Variants in ZNF219 observed in about 807,000 individuals in gnomAD.
The protein encoded by ZNF219 is zinc finger protein 219.
In ZNF219, 17 loss-of-function variants were observed where a neutral mutation model predicts 54.4. That is an observed-to-expected ratio of 0.31 (90% CI 0.21 to 0.47). ZNF219 has a LOEUF of 0.47. Among genes scored for constraint, ZNF219 ranks in the 20% least tolerant of loss-of-function variants. The probability of loss-of-function intolerance (pLI) is 1.00; values close to 1 mark genes in which losing one functional copy is unlikely to be tolerated. For synonymous variants in ZNF219, 518 were observed against 476.4 expected, an observed-to-expected ratio of 1.09 and a Z score of -1.14; for missense variants, 1,014 against 1,062.3, an observed-to-expected ratio of 0.95 and a Z score of 0.63.
upstream of ZNF219, chr14:21,101,785 G>T: frequency 8.8e-7 from 1 of 1,134,496 alleles, no homozygotes; most frequent in South Asian, 1.5e-5. Flanking sequence ...CCCATTTCCT[G>T]ATCTCTAAAG....
upstream of ZNF219, among the ~76,000 whole-genome samples, chr14:21,100,439 G>C (rs757207966): frequency 1.1e-4 from 17 of 152,048 alleles, no homozygotes; most frequent in Non-Finnish European, 1.9e-4. Flanking sequence ...TAAGATTCCA[G>C]CTCAGGTCTG....
intron 1 of ZNF219, among the ~76,000 whole-genome samples, chr14:21,095,075 T>C (rs1207794687): frequency 6.6e-6 from 1 of 152,212 alleles, no homozygotes; most frequent in Non-Finnish European, 1.5e-5. Flanking sequence ...TCAACCTGCC[T>C]GTCAGCAGAG....
chr14:21,104,128 A>T (rs367856322), intron 1 of ZNF219: 9 of 152,282 alleles, frequency 5.9e-5, no homozygotes, highest in African/African-American at 1.9e-4. Flanking sequence ...CTCGCTGGGC[A>T]GGCGGGTAGA....
rs146545009 is a variant in ZNF219, at chr14:21,095,770, GA to G, written c.-83-2097del. 8.2e-3 allele frequency among the ~76,000 whole-genome samples: 1,245 copies of G among 151,794 alleles called. 12 individuals are homozygous for G. Among genetic ancestry groups the G allele is most frequent in the African/African-American group, 0.028 (1,166 of 41,378 alleles). ...TTTTCGTTCCTATCTGAAAACCATA[GA>G]AAAAAACCCAGTGGTACCAGAGGGA... On this transcript the variant is annotated intron_variant, in intron 1 of 4. Transcript: ENST00000360947.
In ZNF219 at chr14:21,090,243, A is replaced by G. The variant is rs1307793624; in HGVS notation, c.*293T>C. The G allele has an allele frequency of 1.5e-6, 1 of 654,160 alleles. No individual in the cohort carries two copies. Among genetic ancestry groups the G allele is most frequent in the East Asian group, 3.1e-5 (1 of 32,712 alleles). 40.5% of individuals were successfully genotyped at this position (654,160 alleles called of 1,614,324 possible). On this transcript the variant is annotated 3_prime_UTR_variant, in exon 5 of 5. Transcript: ENST00000360947. The surrounding 1 kb of genome is among the most constrained non-coding windows in gnomAD (Gnocchi z 4.4). The stretch of plus-strand genomic sequence containing the variant: ...AAATAAACTCTCACGCCTATGGACC[A>G]GCAAAGACTGGCAGAGTGGCTCCTC...
In ZNF219 at chr14:21,094,726, T is replaced by TGGGGA. The variant is rs1555341858; in HGVS notation, c.-83-1053_-83-1052insTCCCC. Among the ~76,000 whole-genome samples, 2 of 5,892 alleles carry TGGGGA rather than the reference T, an allele frequency of 3.4e-4. 1 individual carries two copies. Among genetic ancestry groups the TGGGGA allele is most frequent in the African/African-American group, 1.5e-3 (2 of 1,330 alleles). 3.9% of individuals were successfully genotyped at this position (5,892 alleles called of 152,430 possible). On this transcript the variant is annotated intron_variant, in intron 1 of 4. Coordinates refer to ENST00000360947, the MANE Select transcript of ZNF219 (RefSeq NM_016423.3). ...TCATTGAGAGGAAGAGGATAGGGGT[T>TGGGGA]GGGGGGGGGGGCGGGTGCTGATCCT...
Position 21,090,451 on chromosome 14 carries a change from CT to C in ZNF219, c.*84del. 1 of 1,489,136 alleles carries C rather than the reference CT, an allele frequency of 6.7e-7. No homozygotes were observed. Among genetic ancestry groups the C allele is most frequent in the Non-Finnish European group, 9.0e-7 (1 of 1,110,620 alleles). 92.2% of individuals were successfully genotyped at this position (1,489,136 alleles called of 1,614,324 possible). On this transcript the variant is annotated 3_prime_UTR_variant, in exon 5 of 5. Coordinates refer to ENST00000360947, the MANE Select transcript of ZNF219 (RefSeq NM_016423.3). The surrounding 1 kb of genome is among the most constrained non-coding windows in gnomAD (Gnocchi z 4.4). ...TGGGATATGGGTCCCACGCTGCCCC[CT>C]GCTGGCTTCTCTACCCAACTACCTC...
upstream of ZNF219, chr14:21,101,808 C>T (rs896764539): frequency 1.5e-5 from 21 of 1,397,896 alleles, no homozygotes; most frequent in African/African-American, 1.0e-4. Context: ...GTAGGAGTTA[C>T]GAGAAGGGAG....
In ZNF219 at chr14:21,090,791, C is replaced by T; in HGVS notation, c.1914G>A (p.Glu638=). 16 of 1,584,102 alleles carry T rather than the reference C, an allele frequency of 1.0e-5. No homozygotes were observed. Among genetic ancestry groups the T allele is most frequent in the Non-Finnish European group, 1.4e-5 (16 of 1,165,900 alleles). ...DLSLRAGPGG[E]AGPGGALHRC... ...GGTGGAGGGCACCCCCAGGCCCGGC[C>T]TCGCCTCCCGGCCCTGCCCGCAAGG... Residue 638 remains glutamate (E), a synonymous_variant, in exon 5 of 5, where the codon GAG becomes GAA. Transcript: ENST00000360947. This position sits in a 1 kb window ranked among gnomAD's most constrained non-coding sequence, Gnocchi z 4.4.
At chr14:21,097,667 G>C (rs2139326559) in intron 1 of ZNF219, among the ~76,000 whole-genome samples, 1 of 152,262 alleles carries the variant, frequency 6.6e-6, no homozygotes, top group East Asian at 1.9e-4. Context: ...GAAGGATGAT[G>C]GGGGGCAGGG....
chr14:21,092,928 C>T lies in ZNF219; in HGVS notation c.369G>A (p.Leu123=), dbSNP rs1889047420. ...CCTCGCGTAGTAGCGCGCGCTCTTC[C>T]AACTCCAGCAACAGGCGTGCAGCAG... ...RSPAARLLLE[L]EERALLREAR... is the part of the protein sequence containing the mutation. The change falls in exon 3 of 5, where the codon TTG becomes TTA. Residue 123 remains leucine, a synonymous_variant. Transcript: ENST00000360947. 6.4e-7 allele frequency: 1 copy of T among 1,567,772 alleles called. No individual in the cohort carries two copies. Among genetic ancestry groups the T allele is most frequent in the African/African-American group, 1.4e-5 (1 of 73,654 alleles).
At position 21,098,395 on chromosome 14, in the gene ZNF219, T is replaced by G; in HGVS notation, c.-167A>C. 6.3e-6 allele frequency: 3 copies of G among 479,056 alleles called. No homozygotes were observed. The highest frequency in any genetic ancestry group is 8.0e-6 in the Non-Finnish European group (3 of 375,980). 29.7% of individuals were successfully genotyped at this position (479,056 alleles called of 1,614,324 possible). On this transcript the variant is annotated 5_prime_UTR_variant, in exon 1 of 5. Coordinates refer to ENST00000360947, the MANE Select transcript of ZNF219 (RefSeq NM_016423.3). ...GGGCCGGCGGCGCGGGCGTCAGCGT[T>G]ACGTGGGGCCGGGGGAGATGCGCCG...
upstream of ZNF219, chr14:21,098,706 C>A: frequency 9.1e-7 from 1 of 1,099,388 alleles, no homozygotes; most frequent in Admixed American, 3.6e-5. Context: ...GGGTGGGGCG[C>A]ACAGAGGATT....
intron 1 of ZNF219, among the ~76,000 whole-genome samples, chr14:21,096,023 G>C (rs919384954): frequency 7.0e-6 from 1 of 142,394 alleles, no homozygotes; most frequent in African/African-American, 2.6e-5. Context: ...AGAGGAAGCA[G>C]ATGGTGGAGG....
upstream of ZNF219, chr14:21,103,422 T>C (rs115088850): frequency 2.5e-6 from 3 of 1,199,074 alleles, no homozygotes; most frequent in African/African-American, 3.1e-5. Flanking sequence ...TGGACGAGAA[T>C]ATATCCTCAC....
At chr14:21,101,259 T>G (rs1889608412), upstream of ZNF219, 13 of 1,263,346 alleles carry the variant, frequency 1.0e-5, no homozygotes, top group Non-Finnish European at 1.5e-5. Context: ...GATACGTTGT[T>G]GCATGTCCTG....
In ZNF219 at chr14:21,098,140, G is replaced by A. The variant is rs1464617219; in HGVS notation, c.-84+172C>T. Among the ~76,000 whole-genome samples, 4 of 147,544 alleles carry A rather than the reference G, an allele frequency of 2.7e-5. No homozygotes were observed. In the East Asian group the frequency reaches 8.3e-4, roughly 30 times the overall value. ...CCCACCCCGCCCCCCCAGGAGCTCTGGGCGAAGTTTGCTTGGGGCCGAGCC... is the reference window on the plus strand; with the variant it reads ...CCCACCCCGCCCCCCCAGGAGCTCTAGGCGAAGTTTGCTTGGGGCCGAGCC... On this transcript the variant is annotated intron_variant, in intron 1 of 4. Transcript: ENST00000360947.
At chr14:21,102,367 C>A, upstream of ZNF219, 1 of 1,548,910 alleles carries the variant, frequency 6.5e-7, no homozygotes, top group Non-Finnish European at 8.7e-7. Flanking sequence ...TGGAATGACT[C>A]CCCTAGGCTG....
In ZNF219 at chr14:21,091,528, A is replaced by G; in HGVS notation, c.1447T>C (p.Leu483=). The change falls in exon 4 of 5, where the codon TTG becomes CTG. Residue 483 remains leucine, a synonymous_variant. Coordinates refer to ENST00000360947, the MANE Select transcript of ZNF219 (RefSeq NM_016423.3). ...CCTTCAGGCCGGGTCCCTCCAACCAACAGCCCATTCTCTTCTGCAACACAT... is the reference window on the plus strand; with the variant it reads ...CCTTCAGGCCGGGTCCCTCCAACCAGCAGCCCATTCTCTTCTGCAACACAT... ...STATQEENGL[L]VGGTRPEGGR... is the part of the protein sequence containing the mutation. The G allele has an allele frequency of 1.2e-6, 2 of 1,604,148 alleles. No individual in the cohort carries two copies. Among genetic ancestry groups the G allele is most frequent in the Non-Finnish European group, 1.7e-6 (2 of 1,172,642 alleles).
Sources: gnomAD v4.1 joint callset for allele counts (sites outside exome capture counted in the v4.1 genomes callset) on GRCh38, gnomAD v4.1.1 for gene constraint, Gnocchi (gnomAD v3.1) non-coding constraint, MANE v1.5 for transcripts, NCBI Gene and HGNC (gene_info 2026-07-23, HGNC 2026-07-21) for gene names.